FBXW7: variants seen among roughly 807,000 people sequenced by gnomAD.
The protein encoded by FBXW7 is F-box/WD repeat-containing protein 7.
In FBXW7, 11 loss-of-function variants were observed where a neutral mutation model predicts 86.3. The observed-to-expected ratio is 0.13, with a 90% CI of 0.08 to 0.21. FBXW7 has a LOEUF of 0.21. Among genes scored for constraint, FBXW7 ranks in the 10% least tolerant of loss-of-function variants. The pLI, the probability that FBXW7 is intolerant of heterozygous loss-of-function variation, is 1.00. For synonymous variants in FBXW7, 313 were observed against 297.9 expected (o/e 1.05, Z -0.52); for missense variants, 488 against 847.4 (o/e 0.58, Z 5.27).
intron 2 of FBXW7, among the ~76,000 whole-genome samples, chr4:152,496,205 A>T (rs1383299126): frequency 6.6e-6 from 1 of 152,138 alleles, no homozygotes; most frequent in African/African-American, 2.4e-5. Flanking sequence ...ACAACTAAGA[A>T]TTCAGCAAGA....
chr4:152,402,708 T>G (rs1050916824), intron 4 of FBXW7, among the ~76,000 whole-genome samples: 1 of 152,154 alleles, frequency 6.6e-6, no homozygotes, highest in East Asian at 1.9e-4. Flanking sequence ...ACTGTTAAGA[T>G]AAATGAGAAA....
At chr4:152,515,776 C>T (rs1748430552) in intron 2 of FBXW7, among the ~76,000 whole-genome samples, 1 of 145,508 alleles carries the variant, frequency 6.9e-6, no homozygotes, top group African/African-American at 2.6e-5. Flanking sequence ...TTTTGCAAGG[C>T]ACTGTCCAAG....
Position 152,536,054 on chromosome 4 carries a change from C to T in FBXW7, c.-1140G>A. 2 of 198,550 alleles carry T rather than the reference C, an allele frequency of 1.0e-5. No homozygotes were observed. The highest frequency in any genetic ancestry group is 1.7e-4 in the South Asian group (2 of 11,676). The allele number at this position is 198,550 out of a possible 1,614,324, so 12.3% of individuals were successfully genotyped here. On this transcript the variant is annotated 5_prime_UTR_variant, in exon 1 of 14. Transcript: ENST00000281708. ...GCGCCCGGAGCTCAGCTCGCTGTCTCCCTCGCTCTGTGCGGGGCTCTCGCC... is the reference window on the plus strand; with the variant it reads ...GCGCCCGGAGCTCAGCTCGCTGTCTTCCTCGCTCTGTGCGGGGCTCTCGCC...
chr4:152,324,477 G>A (rs1560756307), intron 12 of FBXW7, 83 bp from the exon 13 acceptor site: 3 of 1,134,890 alleles, frequency 2.6e-6, no homozygotes, highest in African/African-American at 1.5e-5. Context: ...AGGAAAGGGG[G>A]AAGAGGATGG....
At position 152,535,612 on chromosome 4, in the gene FBXW7, G is replaced by A. The variant is rs967349551; in HGVS notation, c.-698C>T. On this transcript the variant is annotated 5_prime_UTR_variant, in exon 1 of 14. Transcript: ENST00000281708. ...CAAGGCGAGGGACCCGGCCGGCTCC[G>A]CTCGGCGCCGCCCCCGCTCCCGGCT... 4.3e-5 allele frequency: 17 copies of A among 396,980 alleles called. No individual in the cohort carries two copies. Among genetic ancestry groups the A allele is most frequent in the Admixed American group, 2.6e-4 (6 of 22,644 alleles). 24.6% of individuals were successfully genotyped at this position (396,980 alleles called of 1,614,324 possible).
At chr4:152,324,139 T>G in intron 13 of FBXW7, 45 bp downstream of exon 13, 1 of 1,450,446 alleles carries the variant, frequency 6.9e-7, no homozygotes, top group Non-Finnish European at 9.6e-7. Flanking sequence ...TCTTGAATAA[T>G]GATCTCATTT....
intron 2 of FBXW7, among the ~76,000 whole-genome samples, chr4:152,504,817 AT>A (rs960832566): frequency 7.9e-5 from 12 of 152,032 alleles, no homozygotes; most frequent in East Asian, 1.9e-4. Flanking sequence ...TAAAATAACA[AT>A]TTTTTTTATA....
At chr4:152,450,738 ATG>A (rs1380336450) in intron 2 of FBXW7, among the ~76,000 whole-genome samples, 23 of 152,340 alleles carry the variant, frequency 1.5e-4, no homozygotes, top group African/African-American at 5.3e-4. Flanking sequence ...TAAATAAATC[ATG>A]TGTCTAATAT....
intron 2 of FBXW7, chr4:152,530,403 CAGA>C (rs896061999): frequency 7.2e-4 from 110 of 152,250 alleles, no homozygotes; most frequent in African/African-American, 2.4e-3. Context: ...CATTTATTTT[CAGA>C]AGGTTTCAAA....
intron 2 of FBXW7, among the ~76,000 whole-genome samples, chr4:152,519,416 A>G (rs1748804450): frequency 6.6e-6 from 1 of 152,232 alleles, no homozygotes; most frequent in Non-Finnish European, 1.5e-5. Flanking sequence ...CTGCTAAACC[A>G]TAGGTTTTCA....
chr4:152,428,228 A>G (rs1165986977), intron 2 of FBXW7, among the ~76,000 whole-genome samples: 1 of 152,156 alleles, frequency 6.6e-6, no homozygotes, highest in Admixed American at 6.5e-5. Context: ...TTATGCTTGG[A>G]AAATAAGGTA....
chr4:152,488,565 G>T (rs958581046), intron 2 of FBXW7, among the ~76,000 whole-genome samples: 5 of 151,992 alleles, frequency 3.3e-5, no homozygotes. Flanking sequence ...TTTGCCACAT[G>T]AACTTAAAAG....
At position 152,332,768 on chromosome 4, in the gene FBXW7, T is replaced by C. The variant is rs189568414; in HGVS notation, c.862-49A>G. 8,033 of 852,652 alleles carry C rather than the reference T, an allele frequency of 9.4e-3. 67 individuals are homozygous for C. The highest frequency in any genetic ancestry group is 0.018 in the Middle Eastern group (48 of 2,682). The allele number at this position is 852,652 out of a possible 1,614,324, so 52.8% of individuals were successfully genotyped here. ...ATACCCATATTTAAATAAATATATATATTATATAATAAGTTAATTATTCTC... is the reference window on the plus strand; with the variant it reads ...ATACCCATATTTAAATAAATATATACATTATATAATAAGTTAATTATTCTC... On this transcript the variant is annotated intron_variant, in intron 7 of 13. Coordinates refer to ENST00000281708, the MANE Select transcript of FBXW7 (RefSeq NM_001349798.2).
At chr4:152,443,570 T>C (rs1175145059) in intron 2 of FBXW7, among the ~76,000 whole-genome samples, 4 of 152,052 alleles carry the variant, frequency 2.6e-5, no homozygotes, top group African/African-American at 7.3e-5. Flanking sequence ...CTCCTGCATA[T>C]AGTTGGCGGT....
At chr4:152,394,549 G>A (rs1389746525) in intron 4 of FBXW7, among the ~76,000 whole-genome samples, 1 of 152,014 alleles carries the variant, frequency 6.6e-6, no homozygotes, top group Non-Finnish European at 1.5e-5. Flanking sequence ...AATAATGTAG[G>A]CAAAAGTCAA....
chr4:152,366,341 A>G (rs570642850), intron 4 of FBXW7, among the ~76,000 whole-genome samples: 1 of 152,312 alleles, frequency 6.6e-6, no homozygotes, highest in East Asian at 1.9e-4. Context: ...AATGCCCAAC[A>G]GAATCTAAAC....
At chr4:152,475,067 C>T (rs1744274587) in intron 2 of FBXW7, among the ~76,000 whole-genome samples, 1 of 151,716 alleles carries the variant, frequency 6.6e-6, no homozygotes, top group African/African-American at 2.4e-5. Flanking sequence ...TGGCACTGCA[C>T]TCCATCCTGG....
intron 2 of FBXW7, among the ~76,000 whole-genome samples, chr4:152,446,809 C>G (rs555866566): frequency 5.9e-5 from 9 of 152,258 alleles, no homozygotes; most frequent in African/African-American, 2.2e-4. Context: ...AAAACATATC[C>G]ATGATTAATT....
At chr4:152,525,984 T>TA (rs1309859193) in intron 2 of FBXW7, among the ~76,000 whole-genome samples, 1 of 152,228 alleles carries the variant, frequency 6.6e-6, no homozygotes, top group African/African-American at 2.4e-5. Flanking sequence ...TTTGACTTTT[T>TA]ATAGTAGCCA....
Sources: gnomAD v4.1 joint callset for allele counts (sites outside exome capture counted in the v4.1 genomes callset) on GRCh38, gnomAD v4.1.1 for gene constraint, MANE v1.5 for transcripts, NCBI Gene and HGNC (gene_info 2026-07-23, HGNC 2026-07-21) for gene names.